The following SUMF1 variants were observed in gnomAD, a reference collection of about 807,000 sequenced individuals.
The protein encoded by SUMF1 is formylglycine-generating enzyme.
SUMF1 carries 48 observed loss-of-function variants against 47.6 expected under a neutral mutation model. That is an observed-to-expected ratio of 1.01 (90% confidence interval 0.80 to 1.28). SUMF1 has a LOEUF of 1.28. Among genes scored for constraint, SUMF1 ranks in the 50% most tolerant of loss-of-function variants. The pLI is 0.00. For missense variants in SUMF1, 571 were observed against 485.4 expected (o/e 1.18, Z -1.66); for synonymous variants, 230 against 192.1 (o/e 1.20, Z -1.63).
chr3:4,176,295 C>T lies in SUMF1; in HGVS notation c.1015-107550G>A, dbSNP rs1399891358. Among the ~76,000 whole-genome samples, 3 of 152,198 alleles carry T rather than the reference C, an allele frequency of 2.0e-5. No homozygotes were observed. The East Asian group carries it at 5.8e-4, about 29-fold the overall frequency. On this transcript the variant is annotated intron_variant and NMD_transcript_variant, in intron 8 of 12. Transcript: ENST00000448413. Reference sequence around the variant, plus strand: ...ATTAAGGGCAGCCAGAGAGAAAGGTCGAGTTACTCACAAAGGGAAGCCCAT... The same window carrying T: ...ATTAAGGGCAGCCAGAGAGAAAGGTTGAGTTACTCACAAAGGGAAGCCCAT...
chr3:4,443,833 G>C (rs1387697706), intron 3 of SUMF1, among the ~76,000 whole-genome samples: 1 of 151,964 alleles, frequency 6.6e-6, no homozygotes, highest in Admixed American at 6.6e-5. Context: ...CTGAAAATGG[G>C]TAAAAAGAAT....
At position 4,147,432 on chromosome 3, in the gene SUMF1, C is replaced by T. The variant is rs75043142; in HGVS notation, c.1015-78687G>A. Among the ~76,000 whole-genome samples the T allele has an allele frequency of 4.7e-3, 721 of 152,200 alleles. 8 individuals are homozygous for T. The highest frequency in any genetic ancestry group is 0.017 in the African/African-American group (685 of 41,510). ...GGAATTTCTTGATCAAAAATCAAGGCCCACATAAATCATCTACCTAATCTT... is the reference window on the plus strand; with the variant it reads ...GGAATTTCTTGATCAAAAATCAAGGTCCACATAAATCATCTACCTAATCTT... On this transcript the variant is annotated intron_variant and NMD_transcript_variant, in intron 8 of 12. Transcript: ENST00000448413.
chr3:4,369,197 A>T (rs968073606), intron 8 of SUMF1, among the ~76,000 whole-genome samples: 1 of 152,206 alleles, frequency 6.6e-6, no homozygotes, highest in African/African-American at 2.4e-5. Context: ...ATAGATAGTG[A>T]AATGATAGCA....
chr3:4,398,407 A>C (rs983426992), intron 7 of SUMF1, among the ~76,000 whole-genome samples: 2 of 152,210 alleles, frequency 1.3e-5, no homozygotes, highest in Non-Finnish European at 2.9e-5. Flanking sequence ...CATGAAAAAA[A>C]TCACAGCATA....
intron 8 of SUMF1, among the ~76,000 whole-genome samples, chr3:4,263,557 G>A (rs370328284): frequency 6.6e-6 from 1 of 152,162 alleles, no homozygotes; most frequent in South Asian, 2.1e-4. Flanking sequence ...CATCAACACT[G>A]GTCCATTTCT....
At chr3:4,357,155 T>C (rs1222759834), downstream of SUMF1, among the ~76,000 whole-genome samples, 5 of 152,124 alleles carry the variant, frequency 3.3e-5, no homozygotes, top group Non-Finnish European at 5.9e-5. Flanking sequence ...GGAATGTTAA[T>C]ATTTGTTGGA....
At chr3:4,319,310 T>G (rs1381734930) in intron 8 of SUMF1, among the ~76,000 whole-genome samples, 13 of 152,064 alleles carry the variant, frequency 8.5e-5, no homozygotes, top group Admixed American at 8.5e-4. Context: ...TGTCAATCAC[T>G]GAGACAATGA....
At chr3:4,092,805 T>C (rs1238969427) in intron 8 of SUMF1, among the ~76,000 whole-genome samples, 1 of 152,118 alleles carries the variant, frequency 6.6e-6, no homozygotes, top group Non-Finnish European at 1.5e-5. Context: ...ATGTGAAACA[T>C]TCATGCTAAA....
intron 1 of SUMF1, among the ~76,000 whole-genome samples, chr3:4,465,467 G>A (rs1237560738): frequency 6.7e-6 from 1 of 149,814 alleles, no homozygotes; most frequent in Non-Finnish European, 1.5e-5. Context: ...GACAGAGCGA[G>A]ACTCCGTCTA....
intron 8 of SUMF1, among the ~76,000 whole-genome samples, chr3:4,179,426 G>A (rs1695042965): frequency 6.6e-6 from 1 of 152,064 alleles, no homozygotes; most frequent in Admixed American, 6.6e-5. Flanking sequence ...ACAAAAATAA[G>A]CAATGGGGAA....
intron 8 of SUMF1, among the ~76,000 whole-genome samples, chr3:4,298,708 G>A (rs1424044717): frequency 1.3e-5 from 2 of 152,078 alleles, no homozygotes; most frequent in Non-Finnish European, 2.9e-5. Flanking sequence ...CTTTTCTAGG[G>A]TACCATGTCT....
At chr3:4,229,203 T>C (rs1177940379) in intron 8 of SUMF1, 9 of 237,386 alleles carry the variant, frequency 3.8e-5, no homozygotes, top group Non-Finnish European at 6.7e-5. Context: ...TGGTCTAAAC[T>C]TAGGACTCAA....
chr3:4,104,343 T>C lies in SUMF1; in HGVS notation c.1015-35598A>G, dbSNP rs529376748. Among the ~76,000 whole-genome samples, 19 of 152,188 alleles carry C rather than the reference T, an allele frequency of 1.2e-4. No individual in the cohort carries two copies. The East Asian group carries it at 3.5e-3, about 28-fold the overall frequency. ...CAGTCATGTGGAATTGTGAGTCCAT[T>C]AGACCTCTTTTTCTGTATAAATTAC... On this transcript the variant is annotated intron_variant and NMD_transcript_variant, in intron 8 of 12. Transcript: ENST00000448413.
intron 8 of SUMF1, among the ~76,000 whole-genome samples, chr3:4,248,988 T>C (rs908283779): frequency 1.3e-5 from 2 of 152,192 alleles, no homozygotes; most frequent in African/African-American, 4.8e-5. Context: ...TGCATGTGCA[T>C]CTGCATGATC....
chr3:4,275,772 C>G (rs1003849900), intron 8 of SUMF1, among the ~76,000 whole-genome samples: 29 of 152,276 alleles, frequency 1.9e-4, no homozygotes, highest in African/African-American at 6.5e-4. Context: ...CTACAATGTT[C>G]TCTACATAAG....
intron 2 of SUMF1, 151 bp from the exon 3 acceptor site, chr3:4,449,491 T>C: frequency 1.2e-6 from 1 of 807,672 alleles, no homozygotes; most frequent in East Asian, 2.6e-5. Context: ...AGAAATGACC[T>C]AAAAGTCTCT....
chr3:4,434,498 T>C (rs920952322), intron 3 of SUMF1, among the ~76,000 whole-genome samples: 2 of 152,220 alleles, frequency 1.3e-5, no homozygotes, highest in Non-Finnish European at 2.9e-5. Context: ...AAATTTAACT[T>C]AATTTTCAAT....
chr3:4,310,055 A>G (rs1373041415), intron 8 of SUMF1, among the ~76,000 whole-genome samples: 1 of 152,224 alleles, frequency 6.6e-6, no homozygotes. Context: ...TGAATACTGT[A>G]GATACTTGTA....
intron 8 of SUMF1, among the ~76,000 whole-genome samples, chr3:4,158,935 G>C (rs1015741516): frequency 6.6e-6 from 1 of 151,292 alleles, no homozygotes; most frequent in Non-Finnish European, 1.5e-5. Context: ...TATCCACTCA[G>C]CTACTCTACA....
Sources: gnomAD v4.1 joint callset for allele counts (sites outside exome capture counted in the v4.1 genomes callset) on GRCh38, gnomAD v4.1.1 for gene constraint, MANE v1.5 for transcripts, NCBI Gene and HGNC (gene_info 2026-07-23, HGNC 2026-07-21) for gene names.